Variants in GRPR observed in about 807,000 individuals in gnomAD.
GRPR encodes gastrin-releasing peptide receptor.
GRPR carries 4 observed loss-of-function variants against 15.6 expected under a neutral mutation model. That is an observed-to-expected ratio of 0.26 (90% CI 0.13 to 0.59). The LOEUF (loss-of-function observed/expected upper bound fraction) is 0.59, where lower values mean the gene tolerates loss of function less well. GRPR is among the 20% of genes least tolerant of loss of function. The probability of loss-of-function intolerance (pLI) is 0.90; values close to 1 mark genes in which losing one functional copy is unlikely to be tolerated. For synonymous variants in GRPR, 128 were observed against 126.8 expected (o/e 1.01, Z -0.06); for missense variants, 270 against 304.1 (o/e 0.89, Z 0.83).
chrX:16,136,202 A>G (rs1452545307), intron 1 of GRPR, among the ~76,000 whole-genome samples: 2 of 111,378 alleles, frequency 1.8e-5, no homozygotes, highest in Admixed American at 9.6e-5. Context: ...TATGACCTCT[A>G]AGTTTTATAT....
rs769524547 is a variant in GRPR at position 16,152,604 on chromosome X, A to G, written c.1114A>G (p.Ser372Gly). 2.5e-6 allele frequency: 3 copies of G among 1,209,687 alleles called. No individual in the cohort carries two copies. The South Asian group carries it at 5.3e-5, about 21-fold the overall frequency. ...KSTNPSVATF[S>G]LINGNICHER... ...TACCAACCCCTCCGTGGCCACCTTT[A>G]GCCTCATCAATGGAAACATCTGTCA... The change falls in exon 3 of 3, where the codon AGC (serine) becomes GGC (glycine). Residue 372 changes from serine to glycine, a missense_variant. Physicochemically the swap from Ser to Gly is moderately conservative, Grantham distance 56. Coordinates refer to ENST00000380289, the MANE Select transcript of GRPR (RefSeq NM_005314.3).
intron 2 of GRPR, among the ~76,000 whole-genome samples, chrX:16,151,065 GAA>G (rs1922691254): frequency 8.9e-6 from 1 of 111,892 alleles, no homozygotes; most frequent in South Asian, 3.8e-4. Context: ...GGCAGTTGAA[GAA>G]AAAGAGTAGT....
chrX:16,139,840 T>C (rs1320055841), intron 1 of GRPR, among the ~76,000 whole-genome samples: 1 of 112,178 alleles, frequency 8.9e-6, no homozygotes, highest in Non-Finnish European at 1.9e-5. Flanking sequence ...AAGATGACAA[T>C]AGTAATACCT....
intron 1 of GRPR, among the ~76,000 whole-genome samples, chrX:16,126,733 A>G (rs757224763): frequency 4.2e-4 from 47 of 112,335 alleles, no homozygotes; most frequent in Non-Finnish European, 7.7e-4. Context: ...GCTTATCATT[A>G]TCTCTGTGAT....
In GRPR at chrX:16,150,564, A is replaced by C. The variant is rs1410161854; in HGVS notation, c.673A>C (p.Ile225Leu). The stretch of plus-strand genomic sequence containing the variant: ...GGTCTTCTACGTCATTCCACTGTCG[A>C]TCATCTCTGTTTACTACTACTTCAT... ...FLVFYVIPLSIISVYYYFIAK... is the reference protein window; with the variant it reads ...FLVFYVIPLSLISVYYYFIAK... The change falls in exon 2 of 3, where the codon ATC (isoleucine) becomes CTC (leucine). Residue 225 changes from isoleucine to leucine, a missense_variant. Ile to Leu is a conservative substitution (Grantham distance 5). Transcript: ENST00000380289. 8.3e-7 allele frequency: 1 copy of C among 1,198,053 alleles called. No homozygotes were observed. The highest frequency in any genetic ancestry group is 1.1e-6 in the Non-Finnish European group (1 of 884,344).
chrX:16,138,257 C>A (rs2147033306), intron 1 of GRPR, among the ~76,000 whole-genome samples: 1 of 112,033 alleles, frequency 8.9e-6, no homozygotes, highest in South Asian at 3.7e-4. Context: ...TTTGAAAAGT[C>A]ATGGTGCCCA....
intron 1 of GRPR, among the ~76,000 whole-genome samples, chrX:16,150,061 G>A (rs759238374): frequency 9.9e-5 from 11 of 110,975 alleles, no homozygotes; most frequent in Middle Eastern, 4.6e-3. Flanking sequence ...GGTACTTGTG[G>A]AGAGAAGAGA....
At chrX:16,128,344 G>A (rs778550637) in intron 1 of GRPR, among the ~76,000 whole-genome samples, 169 of 111,105 alleles carry the variant, frequency 1.5e-3, no homozygotes, top group African/African-American at 5.3e-3. Flanking sequence ...GTGAAACCTC[G>A]TCTCTACTAA....
intron 1 of GRPR, among the ~76,000 whole-genome samples, chrX:16,147,799 T>G (rs888744046): frequency 8.9e-6 from 1 of 111,931 alleles, no homozygotes; most frequent in Non-Finnish European, 1.9e-5. Context: ...GTGAATCACC[T>G]TTACTCAGAG....
In GRPR at chrX:16,123,967, A is replaced by C. The variant is rs759799682; in HGVS notation, c.14A>C (p.Asp5Ala). 4.1e-6 allele frequency: 5 copies of C among 1,207,290 alleles called. No homozygotes were observed. The African/African-American group carries it at 8.8e-5, about 21-fold the overall frequency. Reference sequence around the variant, plus strand: ...AAAAATCTAGAGATGGCTCTAAATGACTGTTTCCTTCTGAACTTGGAGGTG... The same window carrying C: ...AAAAATCTAGAGATGGCTCTAAATGCCTGTTTCCTTCTGAACTTGGAGGTG... MALN[D>A]CFLLNLEVDH... The change falls in exon 1 of 3, where the codon GAC (aspartate) becomes GCC (alanine). Residue 5 changes from aspartate (D) to alanine (A), a missense_variant. By Grantham distance (126) the Asp-to-Ala change is moderately radical. This residue lies in a region of GRPR where 115 missense variants were observed against 128.8 expected (regional missense o/e 0.89). Transcript: ENST00000380289.
intron 1 of GRPR, among the ~76,000 whole-genome samples, chrX:16,131,043 G>A (rs1160232107): frequency 8.9e-6 from 1 of 111,996 alleles, no homozygotes; most frequent in Non-Finnish European, 1.9e-5. Context: ...AAAGTGTTAG[G>A]CTTTTATGTG....
chrX:16,152,954 T>A lies in GRPR; in HGVS notation c.*309T>A, dbSNP rs3747411. On this transcript the variant is annotated 3_prime_UTR_variant, in exon 3 of 3. Coordinates refer to ENST00000380289, the MANE Select transcript of GRPR (RefSeq NM_005314.3). ...GCCCTGTTAAATGGTCGTGGCCAAT[T>A]ATGTCATAGAAACTGTATGAACAAC... 0.26 allele frequency: 82,212 copies of A among 315,016 alleles called. 8,687 individuals are homozygous for A. The highest frequency in any genetic ancestry group is 0.32 in the Admixed American group (6,617 of 20,741). 26.0% of individuals were successfully genotyped at this position (315,016 alleles called of 1,213,427 possible).
chrX:16,132,839 T>C (rs935721953), intron 1 of GRPR, among the ~76,000 whole-genome samples: 4 of 112,121 alleles, frequency 3.6e-5, no homozygotes, highest in Non-Finnish European at 7.5e-5. Flanking sequence ...TAAATACTTA[T>C]TCAATTGATG....
chrX:16,149,123 G>T lies in GRPR; in HGVS notation c.414-1182G>T, dbSNP rs764059385. 3.8e-4 allele frequency among the ~76,000 whole-genome samples: 43 copies of T among 111,884 alleles called. No homozygotes were observed. The East Asian group carries it at 4.2e-3, about 11-fold the overall frequency. On this transcript the variant is annotated intron_variant, in intron 1 of 2. Transcript: ENST00000380289. Reference sequence around the variant, plus strand: ...ACCCAAAGCAGGACTTCCCCGTTGGGTAATCTTTGTTCCTAGGCTTCCTGT... The same window carrying T: ...ACCCAAAGCAGGACTTCCCCGTTGGTTAATCTTTGTTCCTAGGCTTCCTGT...
rs752828241 is a variant in GRPR, at chrX:16,148,201, A to C, written c.414-2104A>C. On this transcript the variant is annotated intron_variant, in intron 1 of 2. Transcript: ENST00000380289. Reference sequence around the variant, plus strand: ...TTTGAGAACAAAAAGCCAGATAAGGAAATCAGAGAGACTATGATAAAAATA... The same window carrying C: ...TTTGAGAACAAAAAGCCAGATAAGGCAATCAGAGAGACTATGATAAAAATA... Among the ~76,000 whole-genome samples, 6 of 112,041 alleles carry C rather than the reference A, an allele frequency of 5.4e-5. No homozygotes were observed. The East Asian group carries it at 1.7e-3, about 31-fold the overall frequency.
At chrX:16,142,615 G>C (rs1460109010) in intron 1 of GRPR, among the ~76,000 whole-genome samples, 1 of 112,021 alleles carries the variant, frequency 8.9e-6, no homozygotes, top group Non-Finnish European at 1.9e-5. Flanking sequence ...TATTAGTACA[G>C]TAGTACATAT....
chrX:16,150,231 C>G (rs768666312), intron 1 of GRPR, 74 bp from the exon 2 acceptor site: 73 of 753,441 alleles, frequency 9.7e-5, no homozygotes, highest in Non-Finnish European at 1.4e-4. Flanking sequence ...GTCTCGCTTG[C>G]CTCAACTTAG....
chrX:16,150,392 C>T lies in GRPR; in HGVS notation c.501C>T (p.Ile167=). 1 of 1,208,207 alleles carries T rather than the reference C, an allele frequency of 8.3e-7. No individual in the cohort carries two copies. The highest frequency in any genetic ancestry group is 1.1e-6 in the Non-Finnish European group (1 of 892,425). The part of the protein sequence containing the change: ...ICLKAAFIWI[I]SMLLAIPEAV... Reference sequence around the variant, plus strand: ...TCAAAGCCGCCTTTATCTGGATCATCTCCATGCTGCTGGCCATTCCAGAGG... The same window carrying T: ...TCAAAGCCGCCTTTATCTGGATCATTTCCATGCTGCTGGCCATTCCAGAGG... Residue 167 remains isoleucine, a synonymous_variant, in exon 2 of 3, where the codon ATC becomes ATT. Coordinates refer to ENST00000380289, the MANE Select transcript of GRPR (RefSeq NM_005314.3).
At chrX:16,133,035 A>G (rs1013670421) in intron 1 of GRPR, among the ~76,000 whole-genome samples, 10 of 111,917 alleles carry the variant, frequency 8.9e-5, no homozygotes, top group African/African-American at 2.9e-4. Context: ...TTCTACTCAT[A>G]TATTTGGATT....
Sources: gnomAD v4.1 joint callset for allele counts (sites outside exome capture counted in the v4.1 genomes callset) on GRCh38, gnomAD v4.1.1 for gene constraint, gnomAD v4.1.1 regional missense constraint, MANE v1.5 for transcripts, NCBI Gene and HGNC (gene_info 2026-07-23, HGNC 2026-07-21) for gene names.